The following RCN2 variants were observed in gnomAD, a reference collection of about 807,000 sequenced individuals.
The protein encoded by RCN2 is reticulocalbin 2.
In RCN2, 23 loss-of-function variants were observed where a neutral mutation model predicts 37.5. That is an observed-to-expected ratio of 0.61 (90% CI 0.44 to 0.87). The LOEUF is 0.87. Among genes scored for constraint, RCN2 ranks in the 40% least tolerant of loss-of-function variants. RCN2 has a pLI of 0.00. For missense variants in RCN2, 381 were observed against 390.4 expected (o/e 0.98, Z 0.20); for synonymous variants, 140 against 144.6 (o/e 0.97, Z 0.23).
chr15:76,940,546 C>CTTTTTTTTTTTT (rs11463370), intron 3 of RCN2, among the ~76,000 whole-genome samples: 1 of 119,664 alleles, frequency 8.4e-6, no homozygotes, highest in Non-Finnish European at 1.7e-5. Context: ...TGAACTTCAC[C>CTTTTTTTTTTTT]TTTTTTTTTT....
At position 76,948,433 on chromosome 15, in the gene RCN2, A is replaced by G. The variant is rs1468377033; in HGVS notation, c.682A>G (p.Ile228Val). 6.2e-7 allele frequency: 1 copy of G among 1,605,844 alleles called. No individual in the cohort carries two copies. The highest frequency in any genetic ancestry group is 1.1e-5 in the South Asian group (1 of 89,842). ...AGCTGCAAATGAAGATCCAGAATGG[A>G]TACTTGTTGAGAAAGACAGATTCGT... is the stretch of plus-strand genomic sequence containing the variant. ...DPTANEDPEW[I>V]LVEKDRFVND... The change falls in exon 6 of 7, where the codon ATA (isoleucine) becomes GTA (valine). Residue 228 changes from isoleucine (I) to valine (V), a missense_variant. Physicochemically the swap from Ile to Val is conservative, Grantham distance 29. Coordinates refer to ENST00000394885, the MANE Select transcript of RCN2 (RefSeq NM_002902.3).
chr15:76,947,485 A>G lies in RCN2; in HGVS notation c.626A>G (p.Glu209Gly). 6.2e-7 allele frequency: 1 copy of G among 1,610,376 alleles called. No homozygotes were observed. Residue 209 changes from glutamate (E) to glycine (G), a missense_variant, in exon 5 of 7, where the codon GAA (glutamate) becomes GGA (glycine). Transcript: ENST00000394885. Reference sequence around the variant, plus strand: ...AATGGTGATGGATTTGTTAGTTTGGAAGAATTTCTTGGTGATTACAGGTGG... The same window carrying G: ...AATGGTGATGGATTTGTTAGTTTGGGAGAATTTCTTGGTGATTACAGGTGG... The part of the protein sequence containing the change: ...DKNGDGFVSL[E>G]EFLGDYRWDP...
At chr15:76,940,494 A>G (rs890739060) in intron 3 of RCN2, among the ~76,000 whole-genome samples, 45 of 152,022 alleles carry the variant, frequency 3.0e-4, no homozygotes, top group African/African-American at 1.0e-3. Flanking sequence ...AAAGTTTTCT[A>G]TAAGAAAGTC....
chr15:76,948,613 T>C (rs2075306245), intron 6 of RCN2, 61 bp downstream of exon 6: 1 of 1,437,248 alleles, frequency 7.0e-7, no homozygotes, highest in African/African-American at 1.4e-5. Context: ...GTGCTGTTGA[T>C]AGGAAAAGAA....
intron 3 of RCN2, among the ~76,000 whole-genome samples, chr15:76,937,810 A>C (rs1203996986): frequency 1.3e-5 from 2 of 152,210 alleles, no homozygotes; most frequent in Non-Finnish European, 2.9e-5. Flanking sequence ...GCTGAGAAAG[A>C]CTAATTTTAT....
rs771290377 is a variant in RCN2 at position 76,948,424 on chromosome 15, C to T, written c.673C>T (p.Pro225Ser). The T allele has an allele frequency of 6.3e-7, 1 of 1,598,776 alleles. No homozygotes were observed. Among genetic ancestry groups the T allele is most frequent in the African/African-American group, 1.3e-5 (1 of 74,506 alleles). ...TTTATATTAAGCTGCAAATGAAGAT[C>T]CAGAATGGATACTTGTTGAGAAAGA... ...YRWDPTANED[P>S]EWILVEKDRF... The change falls in exon 6 of 7, where the codon CCA becomes TCA. Residue 225 changes from proline (P) to serine (S), a missense_variant. Pro to Ser is a moderately conservative substitution (Grantham distance 74, BLOSUM62 -1). Coordinates refer to ENST00000394885, the MANE Select transcript of RCN2 (RefSeq NM_002902.3).
At chr15:76,942,278 T>C (rs1023525172) in intron 3 of RCN2, 1 of 152,188 alleles carries the variant, frequency 6.6e-6, no homozygotes, top group African/African-American at 2.4e-5. Context: ...TATTCAGTAG[T>C]GAAACACTTA....
intron 2 of RCN2, 93 bp from the exon 3 acceptor site, chr15:76,935,433 A>G: frequency 5.4e-6 from 5 of 920,110 alleles, no homozygotes; most frequent in South Asian, 4.4e-5. Flanking sequence ...GCAAACATCA[A>G]AGATTTTGCC....
rs566565044 is a variant in RCN2 at position 76,932,061 on chromosome 15, G to C, written c.144+76G>C. On this transcript the variant is annotated intron_variant, in intron 1 of 6. Coordinates refer to ENST00000394885, the MANE Select transcript of RCN2 (RefSeq NM_002902.3). The stretch of plus-strand genomic sequence containing the variant: ...CCGCGGGCTTTGTCCCGGGACAAAG[G>C]GGGGCGGCCGGGCGAGGCCTGGCAG... 4.2e-5 allele frequency: 51 copies of C among 1,228,346 alleles called. No individual in the cohort carries two copies. In the South Asian group the frequency reaches 6.5e-4, roughly 16 times the overall value. The allele number at this position is 1,228,346 out of a possible 1,614,324, so 76.1% of individuals were successfully genotyped here.
intron 1 of RCN2, 28 bp from the exon 2 acceptor site, chr15:76,932,333 C>G (rs776395300): frequency 6.5e-7 from 1 of 1,541,090 alleles, no homozygotes; most frequent in South Asian, 1.1e-5. Flanking sequence ...TAATGCTTGG[C>G]CCTCCTGTGT....
In RCN2 at chr15:76,943,759, T is replaced by TC. The variant is rs2075284416; in HGVS notation, c.449_450insC (p.His151SerfsTer9). ...AATGAGAAATTTTAATTTTCAAAGCTTCACTTAAAGGACAAGAAGCGATTT... is the reference window on the plus strand; with the variant it reads ...AATGAGAAATTTTAATTTTCAAAGCTCTCACTTAAAGGACAAGAAGCGATTT... On this transcript the variant is annotated frameshift_variant and splice_region_variant, in exon 4 of 7. Coordinates refer to ENST00000394885, the MANE Select transcript of RCN2 (RefSeq NM_002902.3). LOFTEE classifies it high-confidence loss of function. 6.4e-7 allele frequency: 1 copy of TC among 1,568,084 alleles called. No individual in the cohort carries two copies. The highest frequency in any genetic ancestry group is 1.4e-5 in the African/African-American group (1 of 73,624).
chr15:76,949,454 A>G lies in RCN2; in HGVS notation c.*232A>G, dbSNP rs186348430. 1.6e-3 allele frequency: 529 copies of G among 336,624 alleles called. No individual in the cohort carries two copies. The highest frequency in any genetic ancestry group is 6.5e-3 in the Middle Eastern group (8 of 1,238). The allele number at this position is 336,624 out of a possible 1,614,324, so 20.9% of individuals were successfully genotyped here. A position where few individuals can be genotyped will look rare whatever the true frequency, so the allele number is the denominator to read the frequency against. On this transcript the variant is annotated 3_prime_UTR_variant, in exon 7 of 7. Coordinates refer to ENST00000394885, the MANE Select transcript of RCN2 (RefSeq NM_002902.3). ...ATTAATATTGTGCCATATGACAACA[A>G]AGTCTTTCCTAAATACTCCATCTGT... is the stretch of plus-strand genomic sequence containing the variant.
intron 3 of RCN2, among the ~76,000 whole-genome samples, chr15:76,940,468 G>T (rs1312748816): frequency 6.6e-6 from 1 of 151,092 alleles, no homozygotes; most frequent in Non-Finnish European, 1.5e-5. Flanking sequence ...AAAGTAATTG[G>T]ATATGTGAAT....
At chr15:76,934,434 G>A (rs1230803546) in intron 2 of RCN2, among the ~76,000 whole-genome samples, 1 of 152,202 alleles carries the variant, frequency 6.6e-6, no homozygotes, top group East Asian at 1.9e-4. Context: ...GAGCCACTGA[G>A]CCCAGCCAAA....
At position 76,935,640 on chromosome 15, in the gene RCN2, A is replaced by G; in HGVS notation, c.365A>G (p.Tyr122Cys). The change falls in exon 3 of 7, where the codon TAT (tyrosine) becomes TGT (cysteine). Residue 122 changes from tyrosine to cysteine, a missense_variant. By Grantham distance (194) the Tyr-to-Cys change is radical (BLOSUM62 -2). Coordinates refer to ENST00000394885, the MANE Select transcript of RCN2 (RefSeq NM_002902.3). ...GATGATACTGTGACTTGGGATGAAT[A>G]TAACATTCAGATGTATGATCGTGTG... The part of the protein sequence containing the change: ...NSDDTVTWDE[Y>C]NIQMYDRVID... 5 of 1,613,946 alleles carry G rather than the reference A, an allele frequency of 3.1e-6. No individual in the cohort carries two copies. Among genetic ancestry groups the G allele is most frequent in the Non-Finnish European group, 4.2e-6 (5 of 1,179,790 alleles).
rs1428079664 is a variant in RCN2 at position 76,932,478 on chromosome 15, C to T, written c.250+12C>T. The stretch of plus-strand genomic sequence containing the variant: ...CTTTCTCACTGAAAGTAAGGACTGC[C>T]CTACACGACTAACAATGGAGACAAA... On this transcript the variant is annotated intron_variant, in intron 2 of 6. Transcript: ENST00000394885. 2 of 1,526,204 alleles carry T rather than the reference C, an allele frequency of 1.3e-6. No individual in the cohort carries two copies. The highest frequency in any genetic ancestry group is 1.8e-6 in the Non-Finnish European group (2 of 1,100,742). The allele number at this position is 1,526,204 out of a possible 1,614,324, so 94.5% of individuals were successfully genotyped here.
chr15:76,943,679 T>A, intron 3 of RCN2, 79 bp from the exon 4 acceptor site: 1 of 788,302 alleles, frequency 1.3e-6, no homozygotes. Flanking sequence ...GGGAATGTAC[T>A]TTAAATTTCA....
chr15:76,942,677 C>T (rs1391064123), intron 3 of RCN2: 1 of 152,258 alleles, frequency 6.6e-6, no homozygotes, highest in Non-Finnish European at 1.5e-5. Context: ...CACGGTGACT[C>T]ATGCCTGTAG....
At position 76,935,731 on chromosome 15, in the gene RCN2, A is replaced by T; in HGVS notation, c.447+9A>T. 2 of 1,602,418 alleles carry T rather than the reference A, an allele frequency of 1.2e-6. No individual in the cohort carries two copies. Among genetic ancestry groups the T allele is most frequent in the Non-Finnish European group, 8.5e-7 (1 of 1,173,356 alleles). On this transcript the variant is annotated intron_variant, in intron 3 of 6. Coordinates refer to ENST00000394885, the MANE Select transcript of RCN2 (RefSeq NM_002902.3). ...AGGAGTCCTTTAGGAAGGTGAGTTC[A>T]TGTGCACAAGCTGTTTCTTTTGATC...
Sources: gnomAD v4.1 joint callset for allele counts (sites outside exome capture counted in the v4.1 genomes callset) on GRCh38, gnomAD v4.1.1 for gene constraint, MANE v1.5 for transcripts, NCBI Gene and HGNC (gene_info 2026-07-23, HGNC 2026-07-21) for gene names.